The following BIRC6 variants were observed in gnomAD, a reference collection of about 807,000 sequenced individuals.
BIRC6 encodes the protein baculoviral IAP repeat containing 6.
In BIRC6, 98 loss-of-function variants were observed where a neutral mutation model predicts 503.3. That is an observed-to-expected ratio of 0.19 (90% CI 0.17 to 0.23). BIRC6 has a LOEUF of 0.23. Ranked by LOEUF, BIRC6 falls within the 10% of genes least tolerant of loss-of-function variation. The pLI, the probability that BIRC6 is intolerant of heterozygous loss-of-function variation, is 1.00. For synonymous variants in BIRC6, 2,240 were observed against 2,078.7 expected (o/e 1.08, Z -2.11); for missense variants, 5,360 against 5,806.0 (o/e 0.92, Z 2.50).
At chr2:32,480,191 G>A (rs570750811) in intron 37 of BIRC6, among the ~76,000 whole-genome samples, 1 of 152,214 alleles carries the variant, frequency 6.6e-6, no homozygotes, top group Non-Finnish European at 1.5e-5. Flanking sequence ...TAGATTTCCT[G>A]TGTGCACGAT....
At chr2:32,467,108 G>A (rs559676487) in intron 26 of BIRC6, among the ~76,000 whole-genome samples, 19 of 144,236 alleles carry the variant, frequency 1.3e-4, no homozygotes, top group Admixed American at 2.1e-4. Context: ...GACAGATCGA[G>A]ACTCCGTCTC....
In BIRC6 at chr2:32,402,014, C is replaced by G. The variant is rs572113984; in HGVS notation, c.1418+391C>G. ...AGTTTCCGTTTTTTCATTAGCACCT[C>G]AAATTATGGCAGTGCTAATGAATAA... On this transcript the variant is annotated intron_variant, in intron 8 of 73. Coordinates refer to ENST00000421745, the MANE Select transcript of BIRC6 (RefSeq NM_016252.4). 2.6e-5 allele frequency among the ~76,000 whole-genome samples: 4 copies of G among 152,294 alleles called. No homozygotes were observed. The East Asian group carries it at 5.8e-4, about 22-fold the overall frequency.
At chr2:32,412,172 A>G (rs2041957890) in intron 9 of BIRC6, among the ~76,000 whole-genome samples, 1 of 152,128 alleles carries the variant, frequency 6.6e-6, no homozygotes, top group African/African-American at 2.4e-5. Flanking sequence ...AGACTGTACT[A>G]CTTTTAAGGG....
rs1422560961 is a variant in BIRC6 at position 32,442,055 on chromosome 2, T to C, written c.3945-10T>C. The stretch of plus-strand genomic sequence containing the variant: ...GTTTGGTAATGTGTTTATATTTTCT[T>C]TTTTTGTAGAGTGCAACGATGTGCC... On this transcript the variant is annotated splice_polypyrimidine_tract_variant and intron_variant, in intron 17 of 73. Coordinates refer to ENST00000421745, the MANE Select transcript of BIRC6 (RefSeq NM_016252.4). The C allele has an allele frequency of 6.6e-7, 1 of 1,516,714 alleles. No individual in the cohort carries two copies. The highest frequency in any genetic ancestry group is 2.3e-5 in the Admixed American group (1 of 43,388). The allele number at this position is 1,516,714 out of a possible 1,614,324, so 94.0% of individuals were successfully genotyped here.
intron 6 of BIRC6, among the ~76,000 whole-genome samples, chr2:32,398,095 G>T (rs1573930317): frequency 1.3e-5 from 2 of 152,144 alleles, no homozygotes; most frequent in Non-Finnish European, 2.9e-5. Flanking sequence ...GGGCGAATGG[G>T]ACTCATATTT....
intron 71 of BIRC6, among the ~76,000 whole-genome samples, chr2:32,603,518 C>G (rs543464887): frequency 2.6e-5 from 4 of 152,178 alleles, no homozygotes; most frequent in African/African-American, 4.8e-5. Flanking sequence ...AGTTCGAGAC[C>G]AGCTTGGCCA....
Position 32,439,555 on chromosome 2 carries a change from G to A in BIRC6, c.3679G>A (p.Val1227Met). ...TTCGTTTTTAATCCATGTCAAGGCA[G>A]TGAATGAAAGAGGAACAGAAGAGAT... ...YRSFLIHVKA[V>M]NERGTEEICN... is the part of the protein sequence containing the mutation. Residue 1227 changes from valine (V) to methionine (M), a missense_variant, in exon 16 of 74, where the codon GTG becomes ATG. Val to Met is a conservative substitution (Grantham distance 21). Transcript: ENST00000421745. The A allele has an allele frequency of 1.9e-6, 3 of 1,613,904 alleles. No individual in the cohort carries two copies. Among genetic ancestry groups the A allele is most frequent in the South Asian group, 2.2e-5 (2 of 91,078 alleles).
chr2:32,609,586 C>A (rs1559152659), intron 72 of BIRC6, among the ~76,000 whole-genome samples: 1 of 152,044 alleles, frequency 6.6e-6, no homozygotes, highest in Admixed American at 6.6e-5. Flanking sequence ...GAAGCCACCT[C>A]CTTCATCAGA....
intron 21 of BIRC6, among the ~76,000 whole-genome samples, chr2:32,447,735 G>A (rs1255526375): frequency 7.5e-5 from 4 of 53,028 alleles, no homozygotes; most frequent in African/African-American, 2.6e-4. Context: ...TGGTCGGGGC[G>A]ACTGGCCGGG....
chr2:32,475,823 A>T (rs116535449), intron 33 of BIRC6, among the ~76,000 whole-genome samples: 5,113 of 152,214 alleles, frequency 0.034, 211 homozygotes, highest in African/African-American at 0.1. Flanking sequence ...GACATACCAA[A>T]ATGTGTACTA....
chr2:32,463,479 G>C, intron 24 of BIRC6, 98 bp downstream of exon 24: 1 of 1,236,390 alleles, frequency 8.1e-7, no homozygotes, highest in South Asian at 1.7e-5. Flanking sequence ...AGAAACGTAG[G>C]TTGACTGATC....
At chr2:32,475,672 T>C (rs1160222761) in intron 33 of BIRC6, among the ~76,000 whole-genome samples, 1 of 152,190 alleles carries the variant, frequency 6.6e-6, no homozygotes, top group East Asian at 1.9e-4. Context: ...TTGCAAAATA[T>C]CATTAGAGAA....
intron 9 of BIRC6, among the ~76,000 whole-genome samples, chr2:32,411,726 G>A (rs1315891935): frequency 1.3e-5 from 2 of 151,996 alleles, no homozygotes; most frequent in Non-Finnish European, 2.9e-5. Flanking sequence ...GATCTGGCCT[G>A]CCTTGGCCTC....
intron 9 of BIRC6, among the ~76,000 whole-genome samples, chr2:32,412,713 TC>T (rs1364774439): frequency 6.6e-6 from 1 of 151,882 alleles, no homozygotes. Flanking sequence ...CCACTGATAA[TC>T]AGCAGAGGAT....
At chr2:32,460,173 GATAT>G (rs929322680) in intron 23 of BIRC6, among the ~76,000 whole-genome samples, 1 of 116,242 alleles carries the variant, frequency 8.6e-6, no homozygotes, top group South Asian at 2.8e-4. Context: ...ATCTGATATA[GATAT>G]ATATATCTCA....
At chr2:32,595,183 C>G (rs765462522) in intron 68 of BIRC6, 39 bp downstream of exon 68, 2 of 1,345,210 alleles carry the variant, frequency 1.5e-6, no homozygotes, top group East Asian at 4.8e-5. Context: ...ATCTCACTTT[C>G]CATTTTTTTT....
Position 32,499,708 on chromosome 2 carries a change from T to G in BIRC6, c.8630T>G (p.Val2877Gly). Residue 2877 changes from valine (V) to glycine (G), a missense_variant, in exon 46 of 74, where the codon GTA becomes GGA. By Grantham distance (109) the Val-to-Gly change is moderately radical. Around this residue, in one of 16 missense-constraint regions of BIRC6, gnomAD observed 2,299 missense variants for 2,267.2 expected, o/e 1.01. Coordinates refer to ENST00000421745, the MANE Select transcript of BIRC6 (RefSeq NM_016252.4). ...VHHYITCSDK[V>G]MSRSGSDSSV... is the part of the protein sequence containing the mutation. ...CACTATATCACTTGCTCAGACAAAG[T>G]AATGTCAAGAAGTGGATCAGATAGC... 3.1e-6 allele frequency: 5 copies of G among 1,613,970 alleles called. No individual in the cohort carries two copies. Among genetic ancestry groups the G allele is most frequent in the Non-Finnish European group, 4.2e-6 (5 of 1,179,872 alleles).
rs755688168 is a variant in BIRC6 at position 32,499,651 on chromosome 2, C to G, written c.8573C>G (p.Ala2858Gly). 10 of 1,613,760 alleles carry G rather than the reference C, an allele frequency of 6.2e-6. No individual in the cohort carries two copies. Among genetic ancestry groups the G allele is most frequent in the Admixed American group, 5.0e-5 (3 of 59,982 alleles). The change falls in exon 46 of 74, where the codon GCC becomes GGC. Residue 2858 changes from alanine to glycine, a missense_variant. Coordinates refer to ENST00000421745, the MANE Select transcript of BIRC6 (RefSeq NM_016252.4). ...FEVVSVSTIS[A>G]VIESVTFLVH... ...GTCGTTTCAGTTAGTACTATTTCTGCCGTGATAGAATCGGTTACATTTTTA... is the reference window on the plus strand; with the variant it reads ...GTCGTTTCAGTTAGTACTATTTCTGGCGTGATAGAATCGGTTACATTTTTA...
rs149974119 is a variant in BIRC6, at chr2:32,442,150, A to G, written c.4030A>G (p.Ile1344Val). 2 of 1,611,098 alleles carry G rather than the reference A, an allele frequency of 1.2e-6. No homozygotes were observed. Among genetic ancestry groups the G allele is most frequent in the Non-Finnish European group, 8.5e-7 (1 of 1,179,140 alleles). Residue 1344 changes from isoleucine (I) to valine (V), a missense_variant, in exon 18 of 74, where the codon ATC (isoleucine) becomes GTC (valine). Ile to Val is a conservative substitution (Grantham distance 29, BLOSUM62 3). Around this residue, in one of 16 missense-constraint regions of BIRC6, gnomAD observed 2,299 missense variants for 2,267.2 expected, o/e 1.01. Coordinates refer to ENST00000421745, the MANE Select transcript of BIRC6 (RefSeq NM_016252.4). Reference sequence around the variant, plus strand: ...TTGCAGAAAAACAGATGATGGCCAGATCACAGAACATGCCCAGAGCCTTGT... The same window carrying G: ...TTGCAGAAAAACAGATGATGGCCAGGTCACAGAACATGCCCAGAGCCTTGT... ...TLCRKTDDGQ[I>V]TEHAQSLVLD...
Sources: gnomAD v4.1 joint callset for allele counts (sites outside exome capture counted in the v4.1 genomes callset) on GRCh38, gnomAD v4.1.1 for gene constraint, gnomAD v4.1.1 regional missense constraint, MANE v1.5 for transcripts, NCBI Gene and HGNC (gene_info 2026-07-23, HGNC 2026-07-21) for gene names.